The following SMIM35 variants were observed in gnomAD, a reference collection of about 807,000 sequenced individuals.
SMIM35 encodes TMPRSS4 antisense RNA 1 (non-protein coding).
chr11:118,070,172 C>CT (rs1296343531), intron 1 of SMIM35, among the ~76,000 whole-genome samples: 1 of 151,910 alleles, frequency 6.6e-6, no homozygotes, highest in Non-Finnish European at 1.5e-5. Flanking sequence ...TAGCCAGATT[C>CT]TTTTTTTTCC....
At chr11:118,044,789 A>AAAAGG (rs56219743) in intron 1 of SMIM35, among the ~76,000 whole-genome samples, 1 of 100,798 alleles carries the variant, frequency 9.9e-6, no homozygotes, top group African/African-American at 3.6e-5. Flanking sequence ...AAAAAAAAAA[A>AAAAGG]GTTCATTCTA....
intron 1 of SMIM35, among the ~76,000 whole-genome samples, chr11:118,069,023 G>A (rs1944530312): frequency 6.6e-6 from 1 of 152,188 alleles, no homozygotes; most frequent in Admixed American, 6.5e-5. Context: ...GACCACCATT[G>A]ACTCATCACC....
At chr11:118,060,774 T>A (rs7112429) in intron 1 of SMIM35, among the ~76,000 whole-genome samples, 8,840 of 152,294 alleles carry the variant, frequency 0.058, 371 homozygotes, top group East Asian at 0.19. Context: ...ATGCTGGTTC[T>A]AATCTGGCTT....
chr11:118,075,489 A>G (rs1944654081), intron 1 of SMIM35, among the ~76,000 whole-genome samples: 1 of 152,102 alleles, frequency 6.6e-6, no homozygotes, highest in Non-Finnish European at 1.5e-5. Flanking sequence ...GCTTTCAAAC[A>G]CTTGTGTTCC....
intron 1 of SMIM35, among the ~76,000 whole-genome samples, chr11:118,026,457 T>C (rs1404738443): frequency 1.3e-5 from 2 of 152,228 alleles, no homozygotes; most frequent in East Asian, 3.8e-4. Context: ...GTGGCTAATA[T>C]ATTCCAAACA....
chr11:118,064,069 G>A (rs1204935815), intron 1 of SMIM35, among the ~76,000 whole-genome samples: 7 of 152,168 alleles, frequency 4.6e-5, no homozygotes, highest in Admixed American at 1.3e-4. Flanking sequence ...ATCAACCATA[G>A]GATCTGTTGC....
intron 1 of SMIM35, among the ~76,000 whole-genome samples, chr11:118,030,498 T>C (rs1025241105): frequency 1.3e-5 from 2 of 152,166 alleles, no homozygotes; most frequent in Non-Finnish European, 2.9e-5. Context: ...CATTTTCAAA[T>C]ATAAAAGAAC....
At chr11:118,009,725 T>A (rs1181810826) in intron 4 of SMIM35, among the ~76,000 whole-genome samples, 17 of 135,270 alleles carry the variant, frequency 1.3e-4, no homozygotes, top group South Asian at 4.6e-4. Flanking sequence ...GCAGACGCTT[T>A]AAAAAAAAAA....
intron 1 of SMIM35, among the ~76,000 whole-genome samples, chr11:118,066,695 A>T (rs555660627): frequency 6.6e-6 from 1 of 152,172 alleles, no homozygotes; most frequent in Non-Finnish European, 1.5e-5. Context: ...TTAGCCGGGC[A>T]TGGTGGCATG....
chr11:118,013,944 C>T, intron 3 of SMIM35, 64 bp from the exon 4 acceptor site: 1 of 398,438 alleles, frequency 2.5e-6, no homozygotes, highest in Non-Finnish European at 4.4e-6. Flanking sequence ...GGGTCCCCAT[C>T]TCCCTTGACT....
rs1247564712 is a variant in SMIM35 at position 118,060,692 on chromosome 11, C to T, written c.7+26059G>A. On this transcript the variant is annotated intron_variant, in intron 1 of 4. Transcript: ENST00000689828. ...TGTCTGGGACCCCCTTCTACAGAGTCCAGGGTGTCCCTCTGGCTGTTCCCC... is the reference window on the plus strand; with the variant it reads ...TGTCTGGGACCCCCTTCTACAGAGTTCAGGGTGTCCCTCTGGCTGTTCCCC... 4.6e-5 allele frequency among the ~76,000 whole-genome samples: 7 copies of T among 152,250 alleles called. No individual in the cohort carries two copies. In the East Asian group the frequency reaches 1.4e-3, roughly 30 times the overall value.
At chr11:118,042,679 C>A (rs1235006495) in intron 1 of SMIM35, among the ~76,000 whole-genome samples, 1 of 152,136 alleles carries the variant, frequency 6.6e-6, no homozygotes, top group Non-Finnish European at 1.5e-5. Flanking sequence ...GAAAAAATAT[C>A]TCTTATGAAT....
At chr11:118,070,940 C>T (rs1283036453) in intron 1 of SMIM35, among the ~76,000 whole-genome samples, 4 of 152,200 alleles carry the variant, frequency 2.6e-5, no homozygotes, top group Non-Finnish European at 4.4e-5. Flanking sequence ...TTACACCGAC[C>T]TGGATCTCAA....
At chr11:118,079,547 G>A (rs1408703628) in intron 1 of SMIM35, among the ~76,000 whole-genome samples, 1 of 152,202 alleles carries the variant, frequency 6.6e-6, no homozygotes, top group Non-Finnish European at 1.5e-5. Flanking sequence ...CAGGGACCCT[G>A]GGACTGGTTA....
intron 3 of SMIM35, 54 bp downstream of exon 3, chr11:118,014,654 A>G: frequency 2.5e-6 from 1 of 398,770 alleles, no homozygotes; most frequent in Non-Finnish European, 4.4e-6. Context: ...TTCTTTTTCC[A>G]TTATATCTAC....
At chr11:118,042,797 T>C (rs1309564458) in intron 1 of SMIM35, among the ~76,000 whole-genome samples, 1 of 152,216 alleles carries the variant, frequency 6.6e-6, no homozygotes, top group Non-Finnish European at 1.5e-5. Context: ...TAAAAATAAG[T>C]ATACATCATA....
chr11:118,053,307 AACAC>A (rs57912361), intron 1 of SMIM35, among the ~76,000 whole-genome samples: 6,005 of 141,960 alleles, frequency 0.042, 145 homozygotes, highest in East Asian at 0.086. Flanking sequence ...GACTCTCTAA[AACAC>A]ACACACACAC....
chr11:118,052,652 T>C (rs1015091788), intron 1 of SMIM35, among the ~76,000 whole-genome samples: 1 of 152,036 alleles, frequency 6.6e-6, no homozygotes, highest in South Asian at 2.1e-4. Flanking sequence ...CGTGATCGCC[T>C]ACGCCCCCTT....
At chr11:118,046,059 C>CTTCAATAAGTTAAT in intron 1 of SMIM35, among the ~76,000 whole-genome samples, 1 of 152,296 alleles carries the variant, frequency 6.6e-6, no homozygotes, top group East Asian at 1.9e-4. Flanking sequence ...AGTTATTTTC[C>CTTCAATAAGTTAAT]TTCACTTAGA....
Sources: gnomAD v4.1 joint callset for allele counts (sites outside exome capture counted in the v4.1 genomes callset) on GRCh38, gnomAD v4.1.1 for gene constraint, MANE v1.5 for transcripts, NCBI Gene and HGNC (gene_info 2026-07-23, HGNC 2026-07-21) for gene names.